Variants in SPNS2 observed in about 807,000 individuals in gnomAD.
SPNS2 encodes SPNS lysolipid transporter 2, sphingosine-1-phosphate, also known as sphingosine-1-phosphate transporter SPNS2.
Under a neutral mutation model 57.6 loss-of-function variants are expected in SPNS2, and 37 were observed. The observed-to-expected ratio is 0.64, with a 90% CI of 0.49 to 0.85. The LOEUF is 0.85. Among genes scored for constraint, SPNS2 ranks in the 40% least tolerant of loss-of-function variants. The probability of loss-of-function intolerance (pLI) is 0.00; values close to 1 mark genes in which losing one functional copy is unlikely to be tolerated. For missense variants in SPNS2, 831 were observed against 779.1 expected (o/e 1.07, Z -0.79); for synonymous variants, 440 against 346.9 (o/e 1.27, Z -2.98).
At chr17:4,522,394 G>A (rs563252611) in intron 2 of SPNS2, among the ~76,000 whole-genome samples, 7 of 152,200 alleles carry the variant, frequency 4.6e-5, no homozygotes, top group Non-Finnish European at 8.8e-5. Context: ...TTGTGCACCC[G>A]CATGCTGATT....
intron 9 of SPNS2, among the ~76,000 whole-genome samples, chr17:4,534,812 G>A (rs1905692972): frequency 6.6e-6 from 1 of 152,082 alleles, no homozygotes; most frequent in South Asian, 2.1e-4. Context: ...GGCCCAGAGT[G>A]AAGGGAGGAG....
chr17:4,500,700 C>T (rs534582669), intron 1 of SPNS2, among the ~76,000 whole-genome samples: 33 of 138,738 alleles, frequency 2.4e-4, no homozygotes, highest in East Asian at 1.9e-4. Flanking sequence ...AACCACATGC[C>T]ACCTGGTGCC....
intron 1 of SPNS2, among the ~76,000 whole-genome samples, chr17:4,504,799 G>A (rs1348777050): frequency 6.6e-6 from 1 of 152,126 alleles, no homozygotes; most frequent in Non-Finnish European, 1.5e-5. Flanking sequence ...GCCAGCCTTC[G>A]CCAGCTTTAC....
Position 4,533,475 on chromosome 17 carries a change from G to A in SPNS2, c.1278+43G>A, listed in dbSNP as rs144264671. The A allele has an allele frequency of 4.9e-3, 7,589 of 1,544,550 alleles. 25 individuals carry two copies. The highest frequency in any genetic ancestry group is 6.7e-3 in the Middle Eastern group (39 of 5,780). On this transcript the variant is annotated intron_variant, in intron 8 of 12. Coordinates refer to ENST00000329078, the MANE Select transcript of SPNS2 (RefSeq NM_001124758.3). ...CAAGGGTGCTGGGGGAGCTGGGCCT[G>A]GGCCGCGGGAGGGTCTGGAACAGGA...
Position 4,533,905 on chromosome 17 carries a change from C to A in SPNS2, c.1344+52C>A, listed in dbSNP as rs145277159. Reference sequence around the variant, plus strand: ...TGTGCTGCTGACCCAGGCCTCTTGACCTCACAGGGGTGCCTGGGGAGGGCG... The same window carrying A: ...TGTGCTGCTGACCCAGGCCTCTTGAACTCACAGGGGTGCCTGGGGAGGGCG... On this transcript the variant is annotated intron_variant, in intron 9 of 12. Coordinates refer to ENST00000329078, the MANE Select transcript of SPNS2 (RefSeq NM_001124758.3). The A allele has an allele frequency of 1.3e-3, 2,033 of 1,569,400 alleles. 17 individuals are homozygous for A. In the African/African-American group the frequency reaches 0.022, roughly 17 times the overall value.
intron 9 of SPNS2, among the ~76,000 whole-genome samples, chr17:4,534,749 G>A (rs1364247744): frequency 1.3e-5 from 2 of 152,002 alleles, no homozygotes; most frequent in Non-Finnish European, 1.5e-5. Context: ...GCGCAGTTCA[G>A]AGCCTCAGCA....
rs1259043620 is a variant in SPNS2, at chr17:4,536,122, G to A, written c.1391G>A (p.Ser464Asn). The A allele has an allele frequency of 2.5e-6, 4 of 1,612,684 alleles. No individual in the cohort carries two copies. The highest frequency in any genetic ancestry group is 2.5e-6 in the Non-Finnish European group (3 of 1,179,842). The change falls in exon 10 of 13, where the codon AGC becomes AAC. Residue 464 changes from serine (S) to asparagine (N), a missense_variant. Physicochemically the swap from Ser to Asn is conservative, Grantham distance 46 (BLOSUM62 1). Coordinates refer to ENST00000329078, the MANE Select transcript of SPNS2 (RefSeq NM_001124758.3). Reference protein sequence around the residue: ...TRRATAVALQSFTSHLLGDAG... With the variant: ...TRRATAVALQNFTSHLLGDAG... ...CGCGCCACTGCCGTGGCCTTGCAGAGCTTCACCTCCCACCTGCTGGGGGAC... is the reference window on the plus strand; with the variant it reads ...CGCGCCACTGCCGTGGCCTTGCAGAACTTCACCTCCCACCTGCTGGGGGAC...
At chr17:4,526,024 A>G (rs1905255804) in intron 3 of SPNS2, among the ~76,000 whole-genome samples, 2 of 152,214 alleles carry the variant, frequency 1.3e-5, no homozygotes, top group East Asian at 1.9e-4. Context: ...TCTGTCTTCA[A>G]GGAGCTTTCA....
At chr17:4,531,691 G>A (rs1905481731) in intron 5 of SPNS2, among the ~76,000 whole-genome samples, 1 of 152,156 alleles carries the variant, frequency 6.6e-6, no homozygotes, top group Admixed American at 6.5e-5. Context: ...GTGGGGTGGG[G>A]GGATGGGGAG....
At chr17:4,537,305 G>C (rs1481094488) in intron 12 of SPNS2, 148 bp from the exon 13 acceptor site, 1 of 430,558 alleles carries the variant, frequency 2.3e-6, no homozygotes, top group African/African-American at 2.0e-5. Flanking sequence ...GGGAGTTATA[G>C]CTTCCCAGCA....
chr17:4,533,838 T>A lies in SPNS2; in HGVS notation c.1329T>A (p.Thr443=), dbSNP rs1905621657. The A allele has an allele frequency of 6.2e-7, 1 of 1,613,010 alleles. No homozygotes were observed. Among genetic ancestry groups the A allele is most frequent in the Non-Finnish European group, 8.5e-7 (1 of 1,179,756 alleles). ...TGCTGTTTTCTAACTGGGCCATCAC[T>A]GCAGACATCCTCATGGTGAGCCAGG... The part of the protein sequence containing the change: ...ETLLFSNWAI[T]ADILMYVVIP... The change falls in exon 9 of 13, where the codon ACT becomes ACA. Residue 443 remains threonine, a synonymous_variant. Coordinates refer to ENST00000329078, the MANE Select transcript of SPNS2 (RefSeq NM_001124758.3).
At position 4,538,508 on chromosome 17, in the gene SPNS2, A is replaced by G. The variant is rs1906004430; in HGVS notation, c.*1060A>G. On this transcript the variant is annotated 3_prime_UTR_variant, in exon 13 of 13. Coordinates refer to ENST00000329078, the MANE Select transcript of SPNS2 (RefSeq NM_001124758.3). ...GCCTTCGATCACCCACCTCCCATCCATGCACACACCAGGATGCAGCTGCCA... is the reference window on the plus strand; with the variant it reads ...GCCTTCGATCACCCACCTCCCATCCGTGCACACACCAGGATGCAGCTGCCA... 3.4e-6 allele frequency: 1 copy of G among 290,662 alleles called. No homozygotes were observed. The highest frequency in any genetic ancestry group is 6.6e-6 in the Non-Finnish European group (1 of 151,594). The allele number at this position is 290,662 out of a possible 1,614,324, so 18.0% of individuals were successfully genotyped here. A position where few individuals can be genotyped will look rare whatever the true frequency, so the allele number is the denominator to read the frequency against.
rs146364068 is a variant in SPNS2 at position 4,530,908 on chromosome 17, G to A, written c.725+125G>A. Reference sequence around the variant, plus strand: ...TCCTCAGAGAGCTAAACATGTGGGCGGTCAGCCTTTGAGAATCTCCTGGAC... The same window carrying A: ...TCCTCAGAGAGCTAAACATGTGGGCAGTCAGCCTTTGAGAATCTCCTGGAC... On this transcript the variant is annotated intron_variant, in intron 4 of 12. Coordinates refer to ENST00000329078, the MANE Select transcript of SPNS2 (RefSeq NM_001124758.3). 3.2e-5 allele frequency: 47 copies of A among 1,468,428 alleles called. No individual in the cohort carries two copies. The Middle Eastern group carries it at 7.5e-4, about 23-fold the overall frequency. 91.0% of individuals were successfully genotyped at this position (1,468,428 alleles called of 1,614,324 possible).
At chr17:4,527,016 T>TCCTGGGACTGACCAGTAAG (rs1339843560) in intron 3 of SPNS2, among the ~76,000 whole-genome samples, 1 of 152,172 alleles carries the variant, frequency 6.6e-6, no homozygotes, top group Non-Finnish European at 1.5e-5. Flanking sequence ...CTGAGGCTGC[T>TCCTGGGACTGACCAGTAAG]CCTGGGACTG....
chr17:4,536,194 G>A lies in SPNS2; in HGVS notation c.1443+20G>A, dbSNP rs750842233. On this transcript the variant is annotated intron_variant, in intron 10 of 12. Coordinates refer to ENST00000329078, the MANE Select transcript of SPNS2 (RefSeq NM_001124758.3). ...GGCTTTGTGAGTAGCCCCGGGGTGG[G>A]GCTGGCCAGGGCAGGCTGGGGGACT... 6.2e-7 allele frequency: 1 copy of A among 1,608,978 alleles called. No individual in the cohort carries two copies. Among genetic ancestry groups the A allele is most frequent in the Non-Finnish European group, 8.5e-7 (1 of 1,178,320 alleles).
intron 1 of SPNS2, among the ~76,000 whole-genome samples, chr17:4,500,652 G>A (rs1286163001): frequency 6.6e-6 from 1 of 152,170 alleles, no homozygotes; most frequent in Admixed American, 6.5e-5. Context: ...ACTCTAAAGA[G>A]AACTTTGCGG....
intron 9 of SPNS2, among the ~76,000 whole-genome samples, chr17:4,534,927 T>C (rs945102884): frequency 6.6e-6 from 1 of 152,108 alleles, no homozygotes; most frequent in African/African-American, 2.4e-5. Context: ...CCCGGGGAAA[T>C]CGCGTCCCGG....
At chr17:4,525,982 G>C (rs1905254958) in intron 3 of SPNS2, among the ~76,000 whole-genome samples, 1 of 152,192 alleles carries the variant, frequency 6.6e-6, no homozygotes, top group African/African-American at 2.4e-5. Flanking sequence ...GGCTGCTATA[G>C]AGAAAGATGA....
intron 3 of SPNS2, among the ~76,000 whole-genome samples, 197 bp downstream of exon 3, chr17:4,525,390 C>T (rs1050467682): frequency 6.6e-6 from 1 of 152,254 alleles, no homozygotes; most frequent in Non-Finnish European, 1.5e-5. Flanking sequence ...GCCTTCCCCA[C>T]GCTGGCCTGA....
Sources: allele counts gnomAD v4.1 joint callset (sites outside exome capture counted in the v4.1 genomes callset), GRCh38; gene constraint gnomAD v4.1.1; transcripts MANE v1.5; gene names NCBI Gene and HGNC (gene_info 2026-07-23, HGNC 2026-07-21).